The following FBXL7 variants were observed in gnomAD, a reference collection of about 807,000 sequenced individuals.
FBXL7 encodes F-box and leucine rich repeat protein 7.
In FBXL7, 12 loss-of-function variants were observed where a neutral mutation model predicts 38.3. The observed-to-expected ratio is 0.31, with a 90% CI of 0.20 to 0.51. The LOEUF (loss-of-function observed/expected upper bound fraction) is 0.51. Ranked by LOEUF, FBXL7 falls within the 20% of genes least tolerant of loss-of-function variation. The pLI, the probability that FBXL7 is intolerant of heterozygous loss-of-function variation, is 0.98. For synonymous variants in FBXL7, 297 were observed against 300.9 expected, an observed-to-expected ratio of 0.99 and a Z score of 0.13; for missense variants, 567 against 676.4, an observed-to-expected ratio of 0.84 and a Z score of 1.79.
At chr5:15,802,594 G>A (rs1337766491) in intron 2 of FBXL7, among the ~76,000 whole-genome samples, 9 of 151,414 alleles carry the variant, frequency 5.9e-5, no homozygotes, top group Non-Finnish European at 1.2e-4. Flanking sequence ...TCTCCTTAAA[G>A]TGACTTCCTC....
intron 2 of FBXL7, among the ~76,000 whole-genome samples, chr5:15,801,212 T>C (rs967760087): frequency 1.3e-5 from 2 of 152,178 alleles, no homozygotes; most frequent in Non-Finnish European, 2.9e-5. Context: ...GGGTCCGTGT[T>C]TGATTAAATA....
At chr5:15,831,055 C>T (rs1738444792) in intron 2 of FBXL7, among the ~76,000 whole-genome samples, 1 of 152,164 alleles carries the variant, frequency 6.6e-6, no homozygotes, top group African/African-American at 2.4e-5. Flanking sequence ...CCTTATCATC[C>T]ATGCCTTTGA....
chr5:15,650,362 A>G (rs1741666258), intron 2 of FBXL7, among the ~76,000 whole-genome samples: 1 of 152,188 alleles, frequency 6.6e-6, no homozygotes, highest in Non-Finnish European at 1.5e-5. Context: ...TTATTGCTAA[A>G]AAGTGCTGAC....
At chr5:15,705,799 A>G (rs4391164) in intron 2 of FBXL7, among the ~76,000 whole-genome samples, 83,307 of 151,190 alleles carry the variant, frequency 0.55, 23,053 homozygotes, top group East Asian at 0.68. Context: ...CCCAAACTGA[A>G]CTCATAATCT....
intron 2 of FBXL7, among the ~76,000 whole-genome samples, chr5:15,732,003 T>G (rs1054227206): frequency 1.3e-5 from 2 of 152,220 alleles, no homozygotes; most frequent in African/African-American, 2.4e-5. Context: ...AAAAAATGCA[T>G]GAACAGATGG....
intron 2 of FBXL7, among the ~76,000 whole-genome samples, chr5:15,796,194 T>A (rs940527937): frequency 2.0e-5 from 3 of 152,166 alleles, no homozygotes; most frequent in African/African-American, 7.2e-5. Flanking sequence ...ATTATAACGA[T>A]GATAAGAGCA....
intron 2 of FBXL7, among the ~76,000 whole-genome samples, chr5:15,923,532 T>C (rs1216655311): frequency 6.6e-6 from 1 of 152,208 alleles, no homozygotes; most frequent in Non-Finnish European, 1.5e-5. Flanking sequence ...ATGTATATTT[T>C]TAAATTTGGA....
At chr5:15,728,150 G>T (rs1165047236) in intron 2 of FBXL7, among the ~76,000 whole-genome samples, 2 of 151,646 alleles carry the variant, frequency 1.3e-5, no homozygotes, top group African/African-American at 4.8e-5. Context: ...TTTCTCTATT[G>T]CTGTCAGCAC....
intron 2 of FBXL7, among the ~76,000 whole-genome samples, chr5:15,840,651 A>G (rs1738720426): frequency 6.6e-6 from 1 of 152,098 alleles, no homozygotes; most frequent in African/African-American, 2.4e-5. Flanking sequence ...GATGGAGACC[A>G]TCCTGGCCAG....
chr5:15,699,434 C>T (rs116703192), intron 2 of FBXL7, among the ~76,000 whole-genome samples: 162 of 152,270 alleles, frequency 1.1e-3, no homozygotes, highest in African/African-American at 3.4e-3. Flanking sequence ...TTCGCCATCC[C>T]GTTGTGCTCC....
intron 2 of FBXL7, among the ~76,000 whole-genome samples, chr5:15,788,571 CCTT>C (rs1426379820): frequency 6.6e-6 from 1 of 152,190 alleles, no homozygotes; most frequent in African/African-American, 2.4e-5. Flanking sequence ...GCCTCCACCT[CCTT>C]GAACCTTAAC....
chr5:15,626,513 CAT>C (rs1740822851), intron 2 of FBXL7, among the ~76,000 whole-genome samples: 1 of 150,346 alleles, frequency 6.7e-6, no homozygotes. Context: ...ACCAGAATAT[CAT>C]ATGATAGTCT....
chr5:15,671,156 A>C (rs1742458603), intron 2 of FBXL7, among the ~76,000 whole-genome samples: 1 of 152,082 alleles, frequency 6.6e-6, no homozygotes. Flanking sequence ...AGCTCCTCCC[A>C]CTTTTGTAGT....
At chr5:15,800,382 C>T (rs745872371) in intron 2 of FBXL7, among the ~76,000 whole-genome samples, 16 of 152,144 alleles carry the variant, frequency 1.1e-4, no homozygotes, top group Non-Finnish European at 8.8e-5. Context: ...TCCTATCGCA[C>T]GTTCTGTCTT....
intron 1 of FBXL7, among the ~76,000 whole-genome samples, chr5:15,514,995 C>T (rs1275000866): frequency 6.6e-6 from 1 of 152,176 alleles, no homozygotes; most frequent in African/African-American, 2.4e-5. Context: ...TCTCTCCTTG[C>T]CTTTCATAAG....
intron 2 of FBXL7, among the ~76,000 whole-genome samples, chr5:15,737,191 G>A (rs977449808): frequency 2.6e-5 from 4 of 152,040 alleles, no homozygotes; most frequent in Admixed American, 6.6e-5. Flanking sequence ...CTGGGCGTCC[G>A]AAGCTCTTTG....
At position 15,885,633 on chromosome 5, in the gene FBXL7, C is replaced by CTCTT. The variant is rs375176743; in HGVS notation, c.128-42254_128-42253insTTCT. ...AAATGTTCAAAACATACAGATAATTCTCTAATGCCTGGTTCTGTATCTGTG... is the reference window on the plus strand; with the variant it reads ...AAATGTTCAAAACATACAGATAATTCTCTTTCTAATGCCTGGTTCTGTATCTGTG... On this transcript the variant is annotated intron_variant, in intron 2 of 3. Coordinates refer to ENST00000504595, the MANE Select transcript of FBXL7 (RefSeq NM_012304.5). Among the ~76,000 whole-genome samples the CTCTT allele has an allele frequency of 7.2e-3, 1,090 of 152,326 alleles. 23 individuals are homozygous for CTCTT. Among genetic ancestry groups the CTCTT allele is most frequent in the African/African-American group, 0.025 (1,036 of 41,566 alleles).
intron 1 of FBXL7, among the ~76,000 whole-genome samples, chr5:15,545,872 A>G (rs1300812993): frequency 1.3e-5 from 2 of 152,112 alleles, no homozygotes; most frequent in Non-Finnish European, 2.9e-5. Context: ...GAGTTGAGCT[A>G]CTCTTTGAAT....
intron 2 of FBXL7, among the ~76,000 whole-genome samples, chr5:15,896,952 G>A (rs1372453565): frequency 6.6e-6 from 1 of 152,094 alleles, no homozygotes; most frequent in African/African-American, 2.4e-5. Context: ...TGGCCAACAT[G>A]GCAAAACCCC....
Sources: allele counts gnomAD v4.1 joint callset (sites outside exome capture counted in the v4.1 genomes callset), GRCh38; gene constraint gnomAD v4.1.1; transcripts MANE v1.5; gene names NCBI Gene and HGNC (gene_info 2026-07-23, HGNC 2026-07-21).